ANXA8: variants seen among roughly 807,000 people sequenced by gnomAD.
ANXA8 encodes the protein VAC-beta.
ANXA8 carries 9 observed loss-of-function variants against 26.8 expected under a neutral mutation model. The observed-to-expected ratio is 0.34, with a 90% confidence interval of 0.20 to 0.59. The LOEUF (loss-of-function observed/expected upper bound fraction) is 0.59, where lower values mean the gene tolerates loss of function less well. Among genes scored for constraint, ANXA8 ranks in the 20% least tolerant of loss-of-function variants. The pLI is 0.84. For missense variants in ANXA8, 83 were observed against 238.5 expected, an observed-to-expected ratio of 0.35 and a Z score of 4.29; for synonymous variants, 39 against 94.8, an observed-to-expected ratio of 0.41 and a Z score of 3.42.
chr10:47,750,915 A>C, the ANXA8 span: 1 of 151,294 alleles, frequency 6.6e-6, no homozygotes, highest in African/African-American at 2.4e-5. Context: ...TTTGACATTC[A>C]ACAGTCAATT....
chr10:47,560,944 G>C, the ANXA8 span, among the ~76,000 whole-genome samples: 2 of 151,362 alleles, frequency 1.3e-5, no homozygotes, highest in African/African-American at 4.9e-5. Context: ...CTGAGCATCT[G>C]GGACTACGGG....
At chr10:47,654,044 T>C in the ANXA8 span, among the ~76,000 whole-genome samples, 1 of 151,846 alleles carries the variant, frequency 6.6e-6, no homozygotes, top group African/African-American at 2.4e-5. Flanking sequence ...AAATTTCACA[T>C]GTACAGGTTA....
chr10:47,743,319 T>C, the ANXA8 span, among the ~76,000 whole-genome samples: 27 of 45,866 alleles, frequency 5.9e-4, 3 homozygotes, highest in East Asian at 2.5e-3. Context: ...TATACACATA[T>C]ATATATATAC....
chr10:47,951,154 A>G, the ANXA8 span, among the ~76,000 whole-genome samples: 1 of 149,530 alleles, frequency 6.7e-6, no homozygotes, highest in Non-Finnish European at 1.5e-5. Flanking sequence ...ATATGGGGAT[A>G]TTATAGAAGC....
At position 47,474,153 on chromosome 10, in the gene ANXA8, C is replaced by T. The variant is rs1329305472; in HGVS notation, c.647-88G>A. 2.8e-4 allele frequency: 156 copies of T among 559,912 alleles called. 9 individuals are homozygous for T. The highest frequency in any genetic ancestry group is 8.4e-4 in the South Asian group (40 of 47,754). 34.7% of individuals were successfully genotyped at this position (559,912 alleles called of 1,614,324 possible). A position where few individuals can be genotyped will look rare whatever the true frequency, so the allele number is the denominator to read the frequency against. On this transcript the variant is annotated intron_variant, in intron 8 of 11. Coordinates refer to ENST00000585281, the MANE Select transcript of ANXA8 (RefSeq NM_001040084.3). ...GATCAGAGATCGCACATCAATTTGC[C>T]GCCCTGACCTCCCACTGGTGGCTGG... is the stretch of plus-strand genomic sequence containing the variant.
the ANXA8 span, among the ~76,000 whole-genome samples, chr10:47,942,066 C>G: frequency 1.4e-5 from 2 of 147,532 alleles, no homozygotes; most frequent in Non-Finnish European, 3.0e-5. Flanking sequence ...GAGTAAGCAC[C>G]TCATTATTTG....
chr10:47,623,773 T>C, the ANXA8 span, among the ~76,000 whole-genome samples: 6,365 of 109,512 alleles, frequency 0.058, 572 homozygotes, highest in African/African-American at 0.12. Flanking sequence ...GCAGGTTGCA[T>C]TTCAGTTTCT....
At chr10:47,970,637 G>A in the ANXA8 span, 2 of 151,402 alleles carry the variant, frequency 1.3e-5, no homozygotes, top group Non-Finnish European at 3.0e-5. Context: ...CTAATTGTAG[G>A]TGTGTAATGA....
chr10:47,657,120 G>C, the ANXA8 span, among the ~76,000 whole-genome samples: 1 of 150,926 alleles, frequency 6.6e-6, no homozygotes. Flanking sequence ...ACCTTCCCAG[G>C]AATCAAAGAT....
the ANXA8 span, among the ~76,000 whole-genome samples, chr10:47,650,011 C>T: frequency 2.0e-5 from 3 of 150,382 alleles, no homozygotes; most frequent in Non-Finnish European, 4.4e-5. Context: ...AGTTCGAGAC[C>T]AGTCTGGCCA....
At chr10:47,554,990 C>A in the ANXA8 span, among the ~76,000 whole-genome samples, 6 of 149,924 alleles carry the variant, frequency 4.0e-5, no homozygotes, top group Non-Finnish European at 7.4e-5. Context: ...CATGATCAGA[C>A]CTTAGACCTT....
the ANXA8 span, among the ~76,000 whole-genome samples, chr10:47,733,191 T>TTCTTTCTTTC: frequency 9.4e-6 from 1 of 106,476 alleles, no homozygotes; most frequent in Admixed American, 9.4e-5. Flanking sequence ...CTTTCTTTCT[T>TTCTTTCTTTC]TCTTTCTTTC....
At chr10:47,949,853 C>G in the ANXA8 span, among the ~76,000 whole-genome samples, 3 of 149,826 alleles carry the variant, frequency 2.0e-5, no homozygotes, top group Non-Finnish European at 4.4e-5. Context: ...GGATGAAGAA[C>G]AGATGAAATA....
At chr10:47,671,820 A>G in the ANXA8 span, among the ~76,000 whole-genome samples, 1 of 151,832 alleles carries the variant, frequency 6.6e-6, no homozygotes, top group Non-Finnish European at 1.5e-5. Flanking sequence ...AATCTCTAGC[A>G]ATGGAAAAAA....
the ANXA8 span, among the ~76,000 whole-genome samples, chr10:47,892,616 G>C: frequency 6.7e-6 from 1 of 148,386 alleles, no homozygotes; most frequent in Non-Finnish European, 1.5e-5. Context: ...GGTCAACAGA[G>C]TATTGTACTG....
the ANXA8 span, among the ~76,000 whole-genome samples, chr10:47,575,273 G>A: frequency 7.8e-6 from 1 of 127,974 alleles, no homozygotes; most frequent in Non-Finnish European, 1.7e-5. Flanking sequence ...GAGAGAGAAA[G>A]AAAGAAAAGT....
At chr10:47,672,308 C>T in the ANXA8 span, among the ~76,000 whole-genome samples, 1 of 151,360 alleles carries the variant, frequency 6.6e-6, no homozygotes, top group South Asian at 2.1e-4. Flanking sequence ...TCAGGAAGCA[C>T]TAAGTGTACA....
the ANXA8 span, among the ~76,000 whole-genome samples, chr10:47,768,178 T>G: frequency 6.6e-6 from 1 of 151,436 alleles, no homozygotes; most frequent in South Asian, 2.1e-4. Flanking sequence ...TGGGATCTTT[T>G]CAGCAAGGGC....
At chr10:47,764,279 GGTCTGAGTTAGAT>G in the ANXA8 span, among the ~76,000 whole-genome samples, 4 of 151,402 alleles carry the variant, frequency 2.6e-5, no homozygotes, top group Non-Finnish European at 5.9e-5. Context: ...CAAGGCCTCG[GGTCTGAGTTAGAT>G]GTCTGTATGT....
Sources: allele counts gnomAD v4.1 joint callset (sites outside exome capture counted in the v4.1 genomes callset), GRCh38; gene constraint gnomAD v4.1.1; transcripts MANE v1.5; gene names NCBI Gene and HGNC (gene_info 2026-07-23, HGNC 2026-07-21).